The following GABRB2 variants were observed in gnomAD, a reference collection of about 807,000 sequenced individuals.
The protein encoded by GABRB2 is gamma-aminobutyric acid receptor subunit beta-2.
A neutral mutation model predicts 54.7 loss-of-function variants in GABRB2; 16 were observed. That is an observed-to-expected ratio of 0.29 (90% CI 0.20 to 0.44). The LOEUF is 0.44. Ranked by LOEUF, GABRB2 falls within the 20% of genes least tolerant of loss-of-function variation. GABRB2 has a pLI of 1.00. For missense variants in GABRB2, 355 were observed against 644.0 expected, an observed-to-expected ratio of 0.55 and a Z score of 4.86; for synonymous variants, 244 against 233.8, an observed-to-expected ratio of 1.04 and a Z score of -0.40.
At chr5:161,456,588 C>A (rs1757960887) in intron 4 of GABRB2, among the ~76,000 whole-genome samples, 1 of 152,134 alleles carries the variant, frequency 6.6e-6, no homozygotes, top group South Asian at 2.1e-4. Flanking sequence ...AGCTCATCTG[C>A]AGAGCAGCTG....
chr5:161,536,386 G>A (rs1218202606), intron 3 of GABRB2, among the ~76,000 whole-genome samples: 1 of 152,108 alleles, frequency 6.6e-6, no homozygotes, highest in Non-Finnish European at 1.5e-5. Flanking sequence ...AAGGCTGTCT[G>A]TGGTCACAGA....
chr5:161,296,016 C>T (rs997939737), intron 9 of GABRB2, among the ~76,000 whole-genome samples: 18 of 152,178 alleles, frequency 1.2e-4, no homozygotes, highest in African/African-American at 4.1e-4. Flanking sequence ...AGTACCAGTG[C>T]TTTGCAGCAA....
intron 4 of GABRB2, among the ~76,000 whole-genome samples, chr5:161,439,655 A>T (rs1161841313): frequency 1.3e-5 from 2 of 151,736 alleles, no homozygotes; most frequent in Non-Finnish European, 2.9e-5. Flanking sequence ...GTTTAAAAGT[A>T]GGGGGACGAA....
rs572553095 is a variant in GABRB2 at position 161,517,574 on chromosome 5, T to G, written c.237+27653A>C. 2.6e-5 allele frequency among the ~76,000 whole-genome samples: 4 copies of G among 152,260 alleles called. No individual in the cohort carries two copies. The South Asian group carries it at 8.3e-4, about 32-fold the overall frequency. On this transcript the variant is annotated intron_variant, in intron 3 of 9. Transcript: ENST00000393959. The stretch of plus-strand genomic sequence containing the variant: ...CCTGGAAAAACACTTGAGGGGGGAC[T>G]GGTGTAAACACTCTCTACAGATACC...
chr5:161,440,670 A>G (rs2113207564), intron 4 of GABRB2, among the ~76,000 whole-genome samples: 1 of 152,292 alleles, frequency 6.6e-6, no homozygotes. Context: ...AAGTTATTCT[A>G]AGCAAAAAGA....
intron 3 of GABRB2, among the ~76,000 whole-genome samples, chr5:161,490,795 TTCTC>T (rs1759074855): frequency 6.6e-6 from 1 of 151,748 alleles, no homozygotes; most frequent in East Asian, 1.9e-4. Context: ...CTTCAAAACA[TTCTC>T]TCAAACTATG....
chr5:161,351,027 T>G (rs1279039809), intron 5 of GABRB2, among the ~76,000 whole-genome samples: 5 of 152,096 alleles, frequency 3.3e-5, no homozygotes, highest in African/African-American at 7.2e-5. Context: ...TCAATTCTCC[T>G]AATAAAGTCC....
chr5:161,521,422 T>C (rs945990299), intron 3 of GABRB2, among the ~76,000 whole-genome samples: 2 of 151,724 alleles, frequency 1.3e-5, no homozygotes, highest in South Asian at 2.1e-4. Flanking sequence ...GATAACCAGA[T>C]GCTTAAATTT....
At chr5:161,428,510 G>A (rs1757078198) in intron 4 of GABRB2, among the ~76,000 whole-genome samples, 1 of 151,982 alleles carries the variant, frequency 6.6e-6, no homozygotes, top group Non-Finnish European at 1.5e-5. Flanking sequence ...TCCACCATCA[G>A]GGAGTTAAGG....
chr5:161,364,653 G>T (rs919212099), intron 5 of GABRB2, among the ~76,000 whole-genome samples: 3 of 152,044 alleles, frequency 2.0e-5, no homozygotes, highest in African/African-American at 7.2e-5. Flanking sequence ...CTTAAAGTGA[G>T]AAATAAAAAA....
chr5:161,481,297 G>A (rs1758755056), intron 3 of GABRB2, among the ~76,000 whole-genome samples: 1 of 151,932 alleles, frequency 6.6e-6, no homozygotes, highest in Non-Finnish European at 1.5e-5. Context: ...ATATATAAAG[G>A]CCTGGCACAC....
chr5:161,387,808 A>C (rs185169065), intron 5 of GABRB2, among the ~76,000 whole-genome samples: 1 of 152,326 alleles, frequency 6.6e-6, no homozygotes, highest in African/African-American at 2.4e-5. Context: ...TTAAACTATA[A>C]TAGACTAGCA....
intron 3 of GABRB2, among the ~76,000 whole-genome samples, chr5:161,503,874 C>T (rs1759524151): frequency 6.6e-6 from 1 of 151,518 alleles, no homozygotes; most frequent in Non-Finnish European, 1.5e-5. Context: ...AAAAAATATC[C>T]TAATACTAAA....
chr5:161,446,250 G>A (rs1337056824), intron 4 of GABRB2, among the ~76,000 whole-genome samples: 1 of 152,050 alleles, frequency 6.6e-6, no homozygotes, highest in Non-Finnish European at 1.5e-5. Context: ...AACAAGAGGT[G>A]CTCACTCAGG....
chr5:161,306,725 C>T (rs1016592135), intron 9 of GABRB2, among the ~76,000 whole-genome samples: 4 of 151,660 alleles, frequency 2.6e-5, no homozygotes, highest in African/African-American at 9.7e-5. Context: ...TCATGGATTA[C>T]TGAATCCTGT....
intron 3 of GABRB2, among the ~76,000 whole-genome samples, chr5:161,472,915 TG>T (rs1301136453): frequency 1.3e-5 from 2 of 151,876 alleles, no homozygotes; most frequent in Non-Finnish European, 2.9e-5. Context: ...TTAAAAAAGG[TG>T]TGACTTTTAC....
chr5:161,433,048 A>C (rs1203545542), intron 4 of GABRB2, among the ~76,000 whole-genome samples: 1 of 152,126 alleles, frequency 6.6e-6, no homozygotes, highest in African/African-American at 2.4e-5. Context: ...TATGCTCTTC[A>C]ATGTGTGAGC....
chr5:161,497,413 T>G (rs1332622118), intron 3 of GABRB2, among the ~76,000 whole-genome samples: 1 of 152,030 alleles, frequency 6.6e-6, no homozygotes, highest in Non-Finnish European at 1.5e-5. Context: ...GCTAAAGTGT[T>G]CTATCTCATA....
At chr5:161,398,006 A>G (rs967377867) in intron 5 of GABRB2, among the ~76,000 whole-genome samples, 1 of 139,654 alleles carries the variant, frequency 7.2e-6, no homozygotes, top group African/African-American at 2.6e-5. Flanking sequence ...AGACAGAGGT[A>G]GATAGATGAT....
Sources: gnomAD v4.1 joint callset for allele counts (sites outside exome capture counted in the v4.1 genomes callset) on GRCh38, gnomAD v4.1.1 for gene constraint, MANE v1.5 for transcripts, NCBI Gene and HGNC (gene_info 2026-07-23, HGNC 2026-07-21) for gene names.